CCAR1: variants seen among roughly 807,000 people sequenced by gnomAD.
CCAR1 encodes the protein cell division cycle and apoptosis regulator 1.
In CCAR1, 78 loss-of-function variants were observed where a neutral mutation model predicts 163.8. The observed-to-expected ratio is 0.48, with a 90% confidence interval of 0.40 to 0.57. The LOEUF (loss-of-function observed/expected upper bound fraction) is 0.57. CCAR1 is among the 20% of genes least tolerant of loss of function. The probability of loss-of-function intolerance (pLI) is 0.00; values close to 1 mark genes in which losing one functional copy is unlikely to be tolerated. For synonymous variants in CCAR1, 443 were observed against 460.7 expected (o/e 0.96, Z 0.49); for missense variants, 1,019 against 1,365.2 (o/e 0.75, Z 4.00).
chr10:68,760,842 C>T (rs1156726893), intron 15 of CCAR1, 165 bp from the exon 16 acceptor site: 8 of 437,710 alleles, frequency 1.8e-5, no homozygotes, highest in Admixed American at 8.2e-5. Flanking sequence ...CCAGCCTGGG[C>T]GACAGAGTTT....
At chr10:68,780,420 C>T (rs1439234072) in intron 19 of CCAR1, among the ~76,000 whole-genome samples, 1 of 152,156 alleles carries the variant, frequency 6.6e-6, no homozygotes. Flanking sequence ...ATCTCAAACT[C>T]CTGGCCTTAA....
intron 6 of CCAR1, among the ~76,000 whole-genome samples, chr10:68,745,739 C>T (rs982677702): frequency 6.6e-6 from 1 of 151,968 alleles, no homozygotes; most frequent in Non-Finnish European, 1.5e-5. Flanking sequence ...GCTGGGATTA[C>T]AGGCGTGAGC....
chr10:68,776,477 A>G (rs2056668781), intron 19 of CCAR1, among the ~76,000 whole-genome samples: 1 of 152,052 alleles, frequency 6.6e-6, no homozygotes, highest in Admixed American at 6.6e-5. Flanking sequence ...GAGGCAGGAG[A>G]ATCACTTGAA....
intron 10 of CCAR1, 88 bp downstream of exon 10, chr10:68,749,773 A>G: frequency 6.8e-6 from 8 of 1,176,148 alleles, no homozygotes; most frequent in Non-Finnish European, 9.7e-6. Context: ...TTCTTGCAAG[A>G]TTGATTTCCC....
At chr10:68,755,311 C>T in intron 12 of CCAR1, 59 bp from the exon 13 acceptor site, 2 of 1,434,098 alleles carry the variant, frequency 1.4e-6, no homozygotes, top group Non-Finnish European at 2.0e-6. Context: ...TCTCAAGTAT[C>T]TTATTGGTAA....
Position 68,775,753 on chromosome 10 carries a change from G to T in CCAR1, c.2650+2654G>T, listed in dbSNP as rs1307300118. On this transcript the variant is annotated intron_variant, in intron 19 of 24. Coordinates refer to ENST00000265872, the MANE Select transcript of CCAR1 (RefSeq NM_018237.4). ...ACTCTGTTGCCCAGGCTGGAGTGCA[G>T]TGGCGCAATCTCAGCTCACTGCAAC... Among the ~76,000 whole-genome samples, 3 of 135,652 alleles carry T rather than the reference G, an allele frequency of 2.2e-5. No homozygotes were observed. In the East Asian group the frequency reaches 6.7e-4, roughly 30 times the overall value. 89.0% of individuals were successfully genotyped at this position (135,652 alleles called of 152,430 possible). A position where few individuals can be genotyped will look rare whatever the true frequency, so the allele number is the denominator to read the frequency against.
At chr10:68,724,737 A>G (rs2055915774) in intron 2 of CCAR1, among the ~76,000 whole-genome samples, 2 of 152,176 alleles carry the variant, frequency 1.3e-5, no homozygotes, top group Non-Finnish European at 2.9e-5. Flanking sequence ...GTGAGCCATG[A>G]TGGTGCCATT....
intron 19 of CCAR1, among the ~76,000 whole-genome samples, chr10:68,777,220 G>A (rs1184595057): frequency 1.3e-5 from 2 of 152,078 alleles, no homozygotes; most frequent in Non-Finnish European, 2.9e-5. Flanking sequence ...ATTATCTCTT[G>A]CCTAGATTAT....
chr10:68,773,897 T>G (rs2056631975), intron 19 of CCAR1, among the ~76,000 whole-genome samples: 1 of 151,726 alleles, frequency 6.6e-6, no homozygotes, highest in African/African-American at 2.4e-5. Context: ...ATTTTTTTTT[T>G]GTTGTTTTTT....
chr10:68,771,146 C>G lies in CCAR1; in HGVS notation c.2299-60C>G, dbSNP rs914224360. 2.8e-6 allele frequency: 4 copies of G among 1,428,306 alleles called. No individual in the cohort carries two copies. In the African/African-American group the frequency reaches 4.3e-5, roughly 15 times the overall value. The allele number at this position is 1,428,306 out of a possible 1,614,324, so 88.5% of individuals were successfully genotyped here. A position where few individuals can be genotyped will look rare whatever the true frequency, so the allele number is the denominator to read the frequency against. The stretch of plus-strand genomic sequence containing the variant: ...GCAAGTTTTTATTTGCTAAATTACT[C>G]TGCTAGCTTTATTATTTCTGTTGAA... On this transcript the variant is annotated intron_variant, in intron 17 of 24. Transcript: ENST00000265872.
intron 19 of CCAR1, among the ~76,000 whole-genome samples, chr10:68,785,223 CT>C (rs762164164): frequency 4.2e-3 from 572 of 136,668 alleles, no homozygotes; most frequent in Admixed American, 4.3e-3. Context: ...GGCCCTATAA[CT>C]TTTTTTTTTT....
At chr10:68,750,762 G>A (rs1249263315) in intron 10 of CCAR1, among the ~76,000 whole-genome samples, 1 of 152,116 alleles carries the variant, frequency 6.6e-6, no homozygotes, top group East Asian at 1.9e-4. Flanking sequence ...GGGCTGTTTA[G>A]CCTAAAAGCA....
chr10:68,770,893 T>C (rs1382475582), intron 17 of CCAR1, among the ~76,000 whole-genome samples: 1 of 152,034 alleles, frequency 6.6e-6, no homozygotes, highest in Non-Finnish European at 1.5e-5. Flanking sequence ...CTGGCTGACA[T>C]GGTGAAACCC....
intron 2 of CCAR1, among the ~76,000 whole-genome samples, chr10:68,728,355 G>A (rs2055978824): frequency 6.6e-6 from 1 of 151,034 alleles, no homozygotes; most frequent in South Asian, 2.1e-4. Context: ...AAATAATCCT[G>A]GAGGTTTTTT....
chr10:68,735,710 T>G (rs1484950250), intron 2 of CCAR1: 6 of 152,148 alleles, frequency 3.9e-5, no homozygotes, highest in South Asian at 4.1e-4. Flanking sequence ...CCAGCCTACA[T>G]TTTTTTCTTC....
intron 4 of CCAR1, among the ~76,000 whole-genome samples, chr10:68,739,380 A>G (rs1214626932): frequency 6.6e-6 from 1 of 152,080 alleles, no homozygotes; most frequent in Non-Finnish European, 1.5e-5. Context: ...CGAACTCCTG[A>G]CTTTGTGATC....
chr10:68,782,367 C>T (rs188562054), intron 19 of CCAR1, among the ~76,000 whole-genome samples: 62 of 151,890 alleles, frequency 4.1e-4, no homozygotes, highest in African/African-American at 1.3e-3. Context: ...GCTATGATTA[C>T]GCCACTGCAC....
chr10:68,740,018 A>G (rs2056162918), intron 4 of CCAR1, among the ~76,000 whole-genome samples: 2 of 152,180 alleles, frequency 1.3e-5, no homozygotes, highest in African/African-American at 4.8e-5. Flanking sequence ...GTGGTCCTTC[A>G]TGGTCTCTGT....
At chr10:68,757,709 C>A (rs1295562729) in intron 15 of CCAR1, among the ~76,000 whole-genome samples, 4 of 152,110 alleles carry the variant, frequency 2.6e-5, no homozygotes, top group African/African-American at 9.7e-5. Context: ...AGCTGCCGTG[C>A]CTGGCCAATT....
Sources: allele counts gnomAD v4.1 joint callset (sites outside exome capture counted in the v4.1 genomes callset), GRCh38; gene constraint gnomAD v4.1.1; transcripts MANE v1.5; gene names NCBI Gene and HGNC (gene_info 2026-07-23, HGNC 2026-07-21).